The following ADGRV1 variants were observed in gnomAD, a reference collection of about 807,000 sequenced individuals.
ADGRV1 encodes the protein G-protein coupled receptor 98.
In ADGRV1, 359 loss-of-function variants were observed where a neutral mutation model predicts 596.2. The ratio of observed to expected loss-of-function variants is 0.60; its 90% CI spans 0.55 to 0.66. The LOEUF (loss-of-function observed/expected upper bound fraction) is 0.66. ADGRV1 is among the 30% of genes least tolerant of loss of function. The probability of loss-of-function intolerance (pLI) is 0.00; values close to 1 mark genes in which losing one functional copy is unlikely to be tolerated. For synonymous variants in ADGRV1, 2,681 were observed against 2,679.2 expected, an observed-to-expected ratio of 1.00 and a Z score of -0.02; for missense variants, 7,274 against 7,575.6, an observed-to-expected ratio of 0.96 and a Z score of 1.48.
At chr5:91,094,053 T>C (rs1348709603) in intron 86 of ADGRV1, among the ~76,000 whole-genome samples, 1 of 152,024 alleles carries the variant, frequency 6.6e-6, no homozygotes, top group East Asian at 2.0e-4. Flanking sequence ...GGTTTCGCCA[T>C]GTTCGCCAGG....
At chr5:90,624,964 C>T (rs894128623) in intron 5 of ADGRV1, among the ~76,000 whole-genome samples, 166 bp from the exon 6 acceptor site, 3 of 151,946 alleles carry the variant, frequency 2.0e-5, no homozygotes, top group East Asian at 3.9e-4. Context: ...TCTATAATTA[C>T]GTTATAGGAC....
chr5:90,843,115 C>T (rs1765575728), intron 78 of ADGRV1, among the ~76,000 whole-genome samples: 1 of 152,036 alleles, frequency 6.6e-6, no homozygotes. Flanking sequence ...TAATTCCTAT[C>T]AATATATCAT....
chr5:91,091,376 T>A (rs1790372393), intron 86 of ADGRV1, among the ~76,000 whole-genome samples: 1 of 152,178 alleles, frequency 6.6e-6, no homozygotes, highest in Non-Finnish European at 1.5e-5. Context: ...TACAATTTCT[T>A]GTCAATTTTA....
chr5:90,850,443 T>C (rs1296242554), intron 79 of ADGRV1, among the ~76,000 whole-genome samples: 1 of 152,214 alleles, frequency 6.6e-6, no homozygotes, highest in East Asian at 1.9e-4. Flanking sequence ...TAGTGCCTCT[T>C]ATAAATGTCT....
intron 59 of ADGRV1, among the ~76,000 whole-genome samples, chr5:90,768,297 G>A (rs571274104): frequency 2.0e-5 from 3 of 152,092 alleles, no homozygotes; most frequent in East Asian, 1.9e-4. Context: ...ACTGTGTAAC[G>A]GCTCCATTGT....
chr5:90,808,800 G>A (rs370228076), intron 73 of ADGRV1, among the ~76,000 whole-genome samples: 18 of 152,120 alleles, frequency 1.2e-4, no homozygotes, highest in African/African-American at 4.3e-4. Flanking sequence ...GGAGGCTGAG[G>A]CAGGAGAATC....
chr5:91,086,198 T>G lies in ADGRV1; in HGVS notation c.18310+13594T>G, dbSNP rs554363389. On this transcript the variant is annotated intron_variant, in intron 86 of 89. Transcript: ENST00000405460. ...TTTCCAGGGATTGCCTTTGCATTTTTTATATCATAGTGATAATTTTCAGAT... is the reference window on the plus strand; with the variant it reads ...TTTCCAGGGATTGCCTTTGCATTTTGTATATCATAGTGATAATTTTCAGAT... Among the ~76,000 whole-genome samples, 18 of 152,344 alleles carry G rather than the reference T, an allele frequency of 1.2e-4. No individual in the cohort carries two copies. In the East Asian group the frequency reaches 3.5e-3, roughly 29 times the overall value.
chr5:90,591,053 T>C (rs1759431605), intron 1 of ADGRV1, among the ~76,000 whole-genome samples: 1 of 152,088 alleles, frequency 6.6e-6, no homozygotes, highest in Non-Finnish European at 1.5e-5. Context: ...CACATCAGGG[T>C]AAATGGGGTA....
intron 87 of ADGRV1, among the ~76,000 whole-genome samples, chr5:91,120,033 A>C (rs1793171220): frequency 6.6e-6 from 1 of 152,186 alleles, no homozygotes; most frequent in Non-Finnish European, 1.5e-5. Flanking sequence ...TAAGAACAAA[A>C]TCTTGCTAGA....
chr5:90,808,058 C>T (rs1398819231), intron 73 of ADGRV1, among the ~76,000 whole-genome samples: 4 of 152,072 alleles, frequency 2.6e-5, no homozygotes, highest in Non-Finnish European at 2.9e-5. Flanking sequence ...TACCTGATTG[C>T]CCCAAGTGAT....
chr5:90,643,117 T>C lies in ADGRV1; in HGVS notation c.2553+76T>C, dbSNP rs1767213329. 5.5e-6 allele frequency: 7 copies of C among 1,263,082 alleles called. No homozygotes were observed. The Admixed American group carries it at 1.4e-4, about 26-fold the overall frequency. 78.2% of individuals were successfully genotyped at this position (1,263,082 alleles called of 1,614,324 possible). A position where few individuals can be genotyped will look rare whatever the true frequency, so the allele number is the denominator to read the frequency against. On this transcript the variant is annotated intron_variant, in intron 13 of 89. Transcript: ENST00000405460. ...TGGTATATTATGAATATAAATATTT[T>C]GAATATTGGCAAAGAGACAGGAAAG...
At chr5:90,927,610 T>A (rs1022660584) in intron 83 of ADGRV1, among the ~76,000 whole-genome samples, 17 of 152,322 alleles carry the variant, frequency 1.1e-4, no homozygotes, top group African/African-American at 3.6e-4. Context: ...TGCCTTTTAA[T>A]TGGAGCATTT....
chr5:90,815,003 G>A (rs894387294), intron 74 of ADGRV1, among the ~76,000 whole-genome samples: 1 of 136,618 alleles, frequency 7.3e-6, no homozygotes, highest in Non-Finnish European at 1.6e-5. Flanking sequence ...TTTTTTTTTA[G>A]TATAATGGTA....
chr5:90,976,813 A>G (rs1312259891), intron 84 of ADGRV1, among the ~76,000 whole-genome samples: 1 of 152,160 alleles, frequency 6.6e-6, no homozygotes, highest in Non-Finnish European at 1.5e-5. Context: ...CAACCCTTGC[A>G]TTGTTTTTGC....
intron 43 of ADGRV1, 141 bp downstream of exon 43, chr5:90,716,870 C>T (rs534977719): frequency 1.6e-6 from 1 of 629,336 alleles, no homozygotes; most frequent in African/African-American, 1.8e-5. Context: ...GATTCATTTA[C>T]TATGTGACAA....
intron 85 of ADGRV1, among the ~76,000 whole-genome samples, chr5:91,013,410 T>A (rs1241631468): frequency 6.6e-6 from 1 of 152,136 alleles, no homozygotes; most frequent in Non-Finnish European, 1.5e-5. Flanking sequence ...CTGTTCTGAC[T>A]GGTGTAAGAT....
intron 50 of ADGRV1, among the ~76,000 whole-genome samples, chr5:90,733,316 G>A (rs1176711401): frequency 1.3e-5 from 2 of 152,182 alleles, no homozygotes; most frequent in African/African-American, 2.4e-5. Context: ...GTTTATAGGT[G>A]TCTTTAGTTT....
At chr5:90,892,404 A>C (rs1160500148) in intron 83 of ADGRV1, among the ~76,000 whole-genome samples, 1 of 152,106 alleles carries the variant, frequency 6.6e-6, no homozygotes, top group East Asian at 1.9e-4. Flanking sequence ...CCAAAGAACA[A>C]AGTCTTATGT....
At chr5:90,941,009 C>G (rs1034789322) in intron 83 of ADGRV1, among the ~76,000 whole-genome samples, 3 of 151,980 alleles carry the variant, frequency 2.0e-5, no homozygotes, top group Non-Finnish European at 4.4e-5. Context: ...TTTTTTCCCC[C>G]CTCCCATTTA....
Sources: gnomAD v4.1 joint callset for allele counts (sites outside exome capture counted in the v4.1 genomes callset) on GRCh38, gnomAD v4.1.1 for gene constraint, MANE v1.5 for transcripts, NCBI Gene and HGNC (gene_info 2026-07-23, HGNC 2026-07-21) for gene names.